Variants in TBC1D8 observed in about 807,000 individuals in gnomAD.
TBC1D8 encodes TBC1 domain family member 8, also known as BUB2-like protein 1.
A neutral mutation model predicts 118.8 loss-of-function variants in TBC1D8; 65 were observed. The observed-to-expected ratio is 0.55, with a 90% CI of 0.45 to 0.67. The LOEUF (loss-of-function observed/expected upper bound fraction) is 0.67. TBC1D8 is among the 30% of genes least tolerant of loss of function. TBC1D8 has a pLI of 0.00. For synonymous variants in TBC1D8, 566 were observed against 595.8 expected (o/e 0.95, Z 0.73); for missense variants, 1,376 against 1,471.2 (o/e 0.94, Z 1.06).
intron 1 of TBC1D8, among the ~76,000 whole-genome samples, chr2:101,120,049 T>C (rs1050749913): frequency 6.6e-6 from 1 of 152,130 alleles, no homozygotes; most frequent in Admixed American, 6.6e-5. Flanking sequence ...CTTCACTCCA[T>C]GTCCATCCCC....
intron 1 of TBC1D8, among the ~76,000 whole-genome samples, chr2:101,099,636 A>T (rs1339508891): frequency 6.6e-6 from 1 of 152,262 alleles, no homozygotes; most frequent in Non-Finnish European, 1.5e-5. Flanking sequence ...AATCAAATCC[A>T]GCAGCACAGC....
At chr2:101,046,713 A>T (rs750322409) in intron 5 of TBC1D8, among the ~76,000 whole-genome samples, 59 of 152,248 alleles carry the variant, frequency 3.9e-4, no homozygotes, top group Non-Finnish European at 7.5e-4. Context: ...AAGGCCAAAG[A>T]GGGTCTGCAA....
At chr2:101,035,123 AG>A (rs1680925187) in intron 9 of TBC1D8, among the ~76,000 whole-genome samples, 1 of 152,190 alleles carries the variant, frequency 6.6e-6, no homozygotes, top group Non-Finnish European at 1.5e-5. Context: ...TTCCAGTCCC[AG>A]GAAGAGTAAC....
Position 101,151,348 on chromosome 2 carries a change from G to A in TBC1D8, c.-95C>T, listed in dbSNP as rs1679557656. On this transcript the variant is annotated 5_prime_UTR_variant, in exon 1 of 20. Transcript: ENST00000409318. Reference sequence around the variant, plus strand: ...CCCGCTCGAGAGGCGACGGCGGCGCGCGGGGACCACAGCCCGGCCGGTGCC... The same window carrying A: ...CCCGCTCGAGAGGCGACGGCGGCGCACGGGGACCACAGCCCGGCCGGTGCC... The A allele has an allele frequency of 9.4e-7, 1 of 1,064,368 alleles. No homozygotes were observed. Among genetic ancestry groups the A allele is most frequent in the Admixed American group, 5.5e-5 (1 of 18,180 alleles). The allele number at this position is 1,064,368 out of a possible 1,614,324, so 65.9% of individuals were successfully genotyped here. A position where few individuals can be genotyped will look rare whatever the true frequency, so the allele number is the denominator to read the frequency against.
At chr2:101,021,839 T>C in intron 16 of TBC1D8, 93 bp from the exon 17 acceptor site, 1 of 800,866 alleles carries the variant, frequency 1.2e-6, no homozygotes, top group Non-Finnish European at 2.1e-6. Flanking sequence ...CTGGGGAAGG[T>C]CAATACCTGC....
At chr2:101,009,668 A>G (rs1463714947) in intron 19 of TBC1D8, among the ~76,000 whole-genome samples, 2 of 152,136 alleles carry the variant, frequency 1.3e-5, no homozygotes, top group African/African-American at 4.8e-5. Context: ...ACAGTAGACG[A>G]GCAGCATTTC....
At chr2:101,013,562 T>C (rs1037190871) in intron 17 of TBC1D8, among the ~76,000 whole-genome samples, 57 of 152,326 alleles carry the variant, frequency 3.7e-4, no homozygotes, top group African/African-American at 1.3e-3. Context: ...ATCTCAGACT[T>C]CTGTTTGAAG....
At chr2:101,029,931 C>A in intron 11 of TBC1D8, 155 bp from the exon 12 acceptor site, 4 of 711,642 alleles carry the variant, frequency 5.6e-6, no homozygotes, top group South Asian at 4.4e-5. Flanking sequence ...GACTTTTAGA[C>A]CAAGGTAATT....
intron 1 of TBC1D8, among the ~76,000 whole-genome samples, chr2:101,148,651 T>C (rs1679419470): frequency 6.6e-6 from 1 of 152,184 alleles, no homozygotes; most frequent in South Asian, 2.1e-4. Flanking sequence ...ATCTCCTCTG[T>C]CTAAACTCCT....
At chr2:101,080,504 A>G (rs1675190362) in intron 2 of TBC1D8, among the ~76,000 whole-genome samples, 1 of 152,206 alleles carries the variant, frequency 6.6e-6, no homozygotes, top group African/African-American at 2.4e-5. Context: ...AGACTGCAAG[A>G]AAACCAAGAT....
intron 1 of TBC1D8, among the ~76,000 whole-genome samples, chr2:101,112,447 G>A (rs574399417): frequency 3.9e-5 from 6 of 152,190 alleles, no homozygotes; most frequent in Non-Finnish European, 8.8e-5. Context: ...AAAGGCCAGG[G>A]CCATAATGGG....
chr2:101,096,353 C>T (rs1342306762), intron 1 of TBC1D8, among the ~76,000 whole-genome samples: 1 of 118,564 alleles, frequency 8.4e-6, no homozygotes, highest in Admixed American at 1.2e-4. Context: ...CAGAATAACA[C>T]AAAACTCATA....
At chr2:101,104,320 A>G (rs985914110) in intron 1 of TBC1D8, among the ~76,000 whole-genome samples, 1 of 152,250 alleles carries the variant, frequency 6.6e-6, no homozygotes, top group African/African-American at 2.4e-5. Flanking sequence ...CGCAATCCCA[A>G]TAAAAATCCC....
At chr2:101,109,699 T>A (rs1348337100) in intron 1 of TBC1D8, 2 of 690,000 alleles carry the variant, frequency 2.9e-6, no homozygotes, top group Non-Finnish European at 3.6e-6. Context: ...ATGAAGCAGC[T>A]GAGGCCCTGA....
chr2:101,147,338 G>A (rs746730776), intron 1 of TBC1D8, among the ~76,000 whole-genome samples: 20 of 152,072 alleles, frequency 1.3e-4, no homozygotes, highest in African/African-American at 2.2e-4. Flanking sequence ...ACCCAGTAGC[G>A]GGACGGCAGG....
chr2:101,027,757 C>T (rs1243820024), intron 14 of TBC1D8, among the ~76,000 whole-genome samples: 1 of 152,232 alleles, frequency 6.6e-6, no homozygotes, highest in Non-Finnish European at 1.5e-5. Flanking sequence ...GCTAATGCCC[C>T]TGCGGGCCCC....
At chr2:101,059,671 T>C (rs1682649355) in intron 2 of TBC1D8, 132 bp from the exon 3 acceptor site, 2 of 721,778 alleles carry the variant, frequency 2.8e-6, no homozygotes, top group Admixed American at 5.4e-5. Context: ...CCAGGCGCAG[T>C]GGCTCACGCC....
chr2:101,047,947 C>CA (rs1439718657), intron 5 of TBC1D8, among the ~76,000 whole-genome samples: 2 of 152,142 alleles, frequency 1.3e-5, no homozygotes, highest in Non-Finnish European at 2.9e-5. Context: ...CACCCAAAAC[C>CA]AAAAAACACC....
intron 1 of TBC1D8, among the ~76,000 whole-genome samples, chr2:101,122,959 G>A (rs1048753193): frequency 2.0e-5 from 3 of 152,162 alleles, no homozygotes; most frequent in Non-Finnish European, 4.4e-5. Flanking sequence ...GTGGTACAGC[G>A]ATGTGATGTG....
Sources: gnomAD v4.1 joint callset for allele counts (sites outside exome capture counted in the v4.1 genomes callset) on GRCh38, gnomAD v4.1.1 for gene constraint, MANE v1.5 for transcripts, NCBI Gene and HGNC (gene_info 2026-07-23, HGNC 2026-07-21) for gene names.